The following FPGT variants were observed in gnomAD, a reference collection of about 807,000 sequenced individuals.
The protein encoded by FPGT is fucose-1-phosphate guanylyltransferase.
A neutral mutation model predicts 45.8 loss-of-function variants in FPGT; 41 were observed. The observed-to-expected ratio is 0.90, with a 90% confidence interval of 0.70 to 1.16. The LOEUF is 1.16. Among genes scored for constraint, FPGT ranks in the 50% most tolerant of loss-of-function variants. FPGT has a pLI of 0.00. For synonymous variants in FPGT, 292 were observed against 247.2 expected, an observed-to-expected ratio of 1.18 and a Z score of -1.70; for missense variants, 755 against 689.1, an observed-to-expected ratio of 1.10 and a Z score of -1.07.
In FPGT at chr1:74,201,337, T is replaced by C. The variant is rs1256383432; in HGVS notation, c.270T>C (p.Leu90=). The C allele has an allele frequency of 6.2e-7, 1 of 1,610,972 alleles. No individual in the cohort carries two copies. The change falls in exon 3 of 4, where the codon CTT becomes CTC. Residue 90 remains leucine, a synonymous_variant. Coordinates refer to ENST00000370898, the MANE Select transcript of FPGT (RefSeq NM_003838.5). Reference sequence around the variant, plus strand: ...TTTAAGGAAATGGAGGATCAACACTTTGTGCCCTTCAATGTTTGGAAAAGC... The same window carrying C: ...TTTAAGGAAATGGAGGATCAACACTCTGTGCCCTTCAATGTTTGGAAAAGC... ...GAKIGNGGST[L]CALQCLEKLY... is the part of the protein sequence containing the mutation.
At chr1:74,202,466 A>C (rs1651884886) in intron 3 of FPGT, among the ~76,000 whole-genome samples, 1 of 152,324 alleles carries the variant, frequency 6.6e-6, no homozygotes, top group South Asian at 2.1e-4. Flanking sequence ...TCAGTTTAGT[A>C]AAAATTAAAT....
At position 74,207,638 on chromosome 1, in the gene FPGT, G is replaced by C. The variant is rs1193705900; in HGVS notation, c.*1806G>C. Among the ~76,000 whole-genome samples the C allele has an allele frequency of 3.3e-5, 5 of 151,830 alleles. No homozygotes were observed. In the East Asian group the frequency reaches 9.8e-4, roughly 30 times the overall value. On this transcript the variant is annotated 3_prime_UTR_variant, in exon 4 of 4. Coordinates refer to ENST00000370898, the MANE Select transcript of FPGT (RefSeq NM_003838.5). ...CTGTGATTCTATTCAAAGTCAGAAA[G>C]AGATTTCTCACAAATTGACGTCATA...
At chr1:74,199,583 C>T (rs1243561264) in intron 1 of FPGT, 81 bp from the exon 2 acceptor site, 2 of 1,464,628 alleles carry the variant, frequency 1.4e-6, no homozygotes, top group African/African-American at 2.8e-5. Context: ...CCTTCTTTAT[C>T]ATCTTTCTCA....
intron 2 of FPGT, 27 bp from the exon 3 acceptor site, chr1:74,201,291 T>C: frequency 6.3e-7 from 1 of 1,578,614 alleles, no homozygotes. Context: ...ATTAAATAAA[T>C]TGTGCTTTTT....
In FPGT at chr1:74,207,898, T is replaced by C. The variant is rs522759; in HGVS notation, c.*2066T>C. The stretch of plus-strand genomic sequence containing the variant: ...AATCTGAATTTTAATCATAATCCTG[T>C]ACAATGCATGGATTCTGGTTGCTTT... On this transcript the variant is annotated 3_prime_UTR_variant, in exon 4 of 4. Transcript: ENST00000370898. Among the ~76,000 whole-genome samples the C allele has an allele frequency of 0.41, 62,686 of 151,854 alleles. 14,354 individuals are homozygous for C. Among genetic ancestry groups the C allele is most frequent in the East Asian group, 0.73 (3,754 of 5,150 alleles).
chr1:74,199,757 A>C lies in FPGT; in HGVS notation c.176A>C (p.Glu59Ala), dbSNP rs1287169357. The C allele has an allele frequency of 6.2e-6, 10 of 1,614,172 alleles. No individual in the cohort carries two copies. The highest frequency in any genetic ancestry group is 5.0e-5 in the Admixed American group (3 of 60,028). Residue 59 changes from glutamate (E) to alanine (A), a missense_variant, in exon 2 of 4, where the codon GAA becomes GCA. Glu to Ala is a moderately radical substitution (Grantham distance 107). Transcript: ENST00000370898. ...QELAYNQQLSEKLKRKELPLG... is the reference protein window; with the variant it reads ...QELAYNQQLSAKLKRKELPLG... ...CTTGCTTACAACCAACAGCTGTCAG[A>C]AAAGCTGAAAAGAAAGGAGTTACCC...
Position 74,201,391 on chromosome 1 carries a change from C to T in FPGT, c.324C>T (p.Thr108=). The change falls in exon 3 of 4, where the codon ACC becomes ACT. Residue 108 remains threonine, a synonymous_variant. Coordinates refer to ENST00000370898, the MANE Select transcript of FPGT (RefSeq NM_003838.5). ...KLYGDKWNSF[T]ILLIHSGGYS... ...ATGGAGATAAATGGAATTCTTTTACCATCTTATTAATTCACTCTGGTAATG... is the reference window on the plus strand; with the variant it reads ...ATGGAGATAAATGGAATTCTTTTACTATCTTATTAATTCACTCTGGTAATG... 1 of 1,607,456 alleles carries T rather than the reference C, an allele frequency of 6.2e-7. No individual in the cohort carries two copies. The highest frequency in any genetic ancestry group is 8.5e-7 in the Non-Finnish European group (1 of 1,176,152).
At chr1:74,204,028 T>G (rs1322349789) in intron 3 of FPGT, among the ~76,000 whole-genome samples, 1 of 139,792 alleles carries the variant, frequency 7.2e-6, no homozygotes, top group Non-Finnish European at 1.6e-5. Context: ...TGGGTGACAG[T>G]AAGACTTCAT....
rs746162862 is a variant in FPGT at position 74,204,887 on chromosome 1, A to G, written c.840A>G (p.Ser280=). The part of the protein sequence containing the change: ...TDSLFYMDHK[S]AKMLLAFYEK... ...GCCTATTTTATATGGATCATAAATCAGCAAAAATGTTACTTGCTTTTTATG... is the reference window on the plus strand; with the variant it reads ...GCCTATTTTATATGGATCATAAATCGGCAAAAATGTTACTTGCTTTTTATG... The change falls in exon 4 of 4, where the codon TCA becomes TCG. Residue 280 remains serine, a synonymous_variant. Coordinates refer to ENST00000370898, the MANE Select transcript of FPGT (RefSeq NM_003838.5). The G allele has an allele frequency of 3.1e-6, 5 of 1,613,828 alleles. No individual in the cohort carries two copies. In the South Asian group the frequency reaches 5.5e-5, roughly 18 times the overall value.
Position 74,208,598 on chromosome 1 carries a change from C to CCG in FPGT, c.*2766_*2767insCG, listed in dbSNP as rs1652469262. Among the ~76,000 whole-genome samples the CCG allele has an allele frequency of 6.6e-6, 1 of 152,036 alleles. No homozygotes were observed. The highest frequency in any genetic ancestry group is 6.6e-5 in the Admixed American group (1 of 15,242). On this transcript the variant is annotated 3_prime_UTR_variant, in exon 4 of 4. Transcript: ENST00000370898. ...CAACAAGGGCATGGGAAAAATTCAA[C>CCG]ATTTGATAATAATCTTTTACCTTAG...
In FPGT at chr1:74,205,246, C is replaced by T; in HGVS notation, c.1199C>T (p.Ser400Phe). Residue 400 changes from serine to phenylalanine, a missense_variant, in exon 4 of 4, where the codon TCC (serine) becomes TTC (phenylalanine). Ser to Phe is a radical substitution (Grantham distance 155). Transcript: ENST00000370898. ...ATACCAGAATGCTCTGGCAAAACAT[C>T]CTGTATCATTCAAAGCATACTGGAT... ...PDIPECSGKT[S>F]CIIQSILDSR... 2 of 1,613,860 alleles carry T rather than the reference C, an allele frequency of 1.2e-6. No homozygotes were observed. Among genetic ancestry groups the T allele is most frequent in the South Asian group, 1.1e-5 (1 of 91,066 alleles).
Position 74,208,401 on chromosome 1 carries a change from A to G in FPGT, c.*2569A>G, listed in dbSNP as rs1035642413. Among the ~76,000 whole-genome samples, 5 of 152,136 alleles carry G rather than the reference A, an allele frequency of 3.3e-5. No homozygotes were observed. The South Asian group carries it at 6.2e-4, about 19-fold the overall frequency. ...TAAAGATAATTTTTTTCTGAGTTTT[A>G]TCAGCAGTAGAAAAATAAGACCTAC... On this transcript the variant is annotated 3_prime_UTR_variant, in exon 4 of 4. Transcript: ENST00000370898.
rs150088200 is a variant in FPGT at position 74,202,103 on chromosome 1, C to T, written c.343+693C>T. Among the ~76,000 whole-genome samples the T allele has an allele frequency of 2.3e-3, 344 of 152,282 alleles. 4 individuals carry two copies. The highest frequency in any genetic ancestry group is 7.5e-3 in the African/African-American group (311 of 41,562). On this transcript the variant is annotated intron_variant, in intron 3 of 3. Coordinates refer to ENST00000370898, the MANE Select transcript of FPGT (RefSeq NM_003838.5). ...GAGAAATCACACACACAAAATAAGA[C>T]ATTTTAAAACAGAAAAGTAGGAAGG...
rs549276481 is a variant in FPGT at position 74,207,613 on chromosome 1, C to A, written c.*1781C>A. 6.6e-6 allele frequency among the ~76,000 whole-genome samples: 1 copy of A among 151,944 alleles called. No individual in the cohort carries two copies. Among genetic ancestry groups the A allele is most frequent in the African/African-American group, 2.4e-5 (1 of 41,396 alleles). On this transcript the variant is annotated 3_prime_UTR_variant, in exon 4 of 4. Transcript: ENST00000370898. ...ATCACAGGTCCTTAGAAGATCGGAC[C>A]TGTGATTCTATTCAAAGTCAGAAAG...
Position 74,207,748 on chromosome 1 carries a change from TTTTTTC to T in FPGT, c.*1923_*1928del, listed in dbSNP as rs559100416. Among the ~76,000 whole-genome samples the T allele has an allele frequency of 5.9e-5, 9 of 152,192 alleles. No individual in the cohort carries two copies. In the South Asian group the frequency reaches 6.2e-4, roughly 11 times the overall value. On this transcript the variant is annotated 3_prime_UTR_variant, in exon 4 of 4. Transcript: ENST00000370898. ...CTCAATTGTGGTATTTGTGTGTTTG[TTTTTTC>T]TTTTTCAAGATTCTTTTTAAAGAAA...
At chr1:74,200,084 A>G (rs1217241995) in intron 2 of FPGT, among the ~76,000 whole-genome samples, 1 of 152,242 alleles carries the variant, frequency 6.6e-6, no homozygotes. Context: ...AATGAAATTC[A>G]CACTATTCAG....
rs968005095 is a variant in FPGT, at chr1:74,207,985, G to A, written c.*2153G>A. Among the ~76,000 whole-genome samples the A allele has an allele frequency of 1.3e-5, 2 of 151,980 alleles. No individual in the cohort carries two copies. Among genetic ancestry groups the A allele is most frequent in the Admixed American group, 6.6e-5 (1 of 15,230 alleles). On this transcript the variant is annotated 3_prime_UTR_variant, in exon 4 of 4. Transcript: ENST00000370898. ...TGCTTTGAGATGTATTGCTTGGTGT[G>A]TAGTAGCACAAACGTACCACCAATA...
chr1:74,201,873 C>T (rs1651835547), intron 3 of FPGT, among the ~76,000 whole-genome samples: 1 of 152,082 alleles, frequency 6.6e-6, no homozygotes, highest in Non-Finnish European at 1.5e-5. Context: ...AGCCAGCATG[C>T]ATTAGCTATT....
rs1282039058 is a variant in FPGT at position 74,208,487 on chromosome 1, A to G, written c.*2655A>G. Reference sequence around the variant, plus strand: ...TTATAATTTTTATTTTTATGAAATCATGGCACTTACATCATATACTCAGGT... The same window carrying G: ...TTATAATTTTTATTTTTATGAAATCGTGGCACTTACATCATATACTCAGGT... On this transcript the variant is annotated 3_prime_UTR_variant, in exon 4 of 4. Coordinates refer to ENST00000370898, the MANE Select transcript of FPGT (RefSeq NM_003838.5). 2.0e-5 allele frequency among the ~76,000 whole-genome samples: 3 copies of G among 152,044 alleles called. No individual in the cohort carries two copies. Among genetic ancestry groups the G allele is most frequent in the Non-Finnish European group, 4.4e-5 (3 of 67,968 alleles).
Sources: allele counts gnomAD v4.1 joint callset (sites outside exome capture counted in the v4.1 genomes callset), GRCh38; gene constraint gnomAD v4.1.1; transcripts MANE v1.5; gene names NCBI Gene and HGNC (gene_info 2026-07-23, HGNC 2026-07-21).